Variants in NCOR1 observed in about 807,000 individuals in gnomAD.
NCOR1 encodes protein phosphatase 1, regulatory subunit 109.
Under a neutral mutation model 288.1 loss-of-function variants are expected in NCOR1, and 63 were observed. The ratio of observed to expected loss-of-function variants is 0.22; its 90% CI spans 0.18 to 0.27. NCOR1 has a LOEUF of 0.27. Among genes scored for constraint, NCOR1 ranks in the 10% least tolerant of loss-of-function variants. The probability of loss-of-function intolerance (pLI) is 1.00; values close to 1 mark genes in which losing one functional copy is unlikely to be tolerated. For missense variants in NCOR1, 2,397 were observed against 3,019.2 expected (o/e 0.79, Z 4.83); for synonymous variants, 1,007 against 1,065.9 (o/e 0.94, Z 1.08).
intron 42 of NCOR1, chr17:16,044,601 G>A (rs762214923): frequency 5.2e-6 from 3 of 579,178 alleles, no homozygotes; most frequent in East Asian, 4.3e-5. Flanking sequence ...GGCAGCGCCA[G>A]CCCCACACTT....
chr17:16,046,891 C>T (rs1447041489), intron 42 of NCOR1, 60 bp downstream of exon 42: 2 of 1,586,222 alleles, frequency 1.3e-6, no homozygotes, highest in Non-Finnish European at 1.7e-6. Context: ...AGAGGCAACA[C>T]TGGAGATATC....
chr17:16,208,206 A>ATT (rs757019446), intron 1 of NCOR1, among the ~76,000 whole-genome samples: 1,305 of 65,492 alleles, frequency 0.02, 138 homozygotes, highest in African/African-American at 0.062. Context: ...ATGCCCAGCT[A>ATT]TTTTTTTTTT....
At chr17:16,092,667 ATATATATATATATATATATATATATATAT>A (rs2065447523) in intron 21 of NCOR1, among the ~76,000 whole-genome samples, 16 of 12,124 alleles carry the variant, frequency 1.3e-3, no homozygotes, top group Admixed American at 0.011. Context: ...ATATATATAT[ATATATATATATATATATATATATATATAT>A]TTTTTTTTTT....
At chr17:16,179,768 C>T (rs756783126) in intron 3 of NCOR1, among the ~76,000 whole-genome samples, 10 of 152,104 alleles carry the variant, frequency 6.6e-5, no homozygotes, top group Admixed American at 1.3e-4. Flanking sequence ...GTAATCCCAG[C>T]ACTTTGGGAG....
In NCOR1 at chr17:16,031,899, C is replaced by T. The variant is rs773589903; in HGVS notation, c.*397G>A. The T allele has an allele frequency of 1.1e-4, 25 of 237,376 alleles. No homozygotes were observed. The highest frequency in any genetic ancestry group is 1.7e-4 in the South Asian group (1 of 5,766). 14.7% of individuals were successfully genotyped at this position (237,376 alleles called of 1,614,324 possible). A position where few individuals can be genotyped will look rare whatever the true frequency, so the allele number is the denominator to read the frequency against. The stretch of plus-strand genomic sequence containing the variant: ...TTAAAAATCACCCCCAAAGTTGATG[C>T]GCTGATTTGAACATAAGTACACCAG... On this transcript the variant is annotated 3_prime_UTR_variant, in exon 46 of 46. Coordinates refer to ENST00000268712, the MANE Select transcript of NCOR1 (RefSeq NM_006311.4).
intron 21 of NCOR1, among the ~76,000 whole-genome samples, chr17:16,095,637 G>A (rs1312094223): frequency 3.7e-3 from 29 of 7,782 alleles, no homozygotes; most frequent in Non-Finnish European, 6.0e-3. Context: ...CCCTCTGCCC[G>A]GCCAGCCGCC....
chr17:16,073,619 A>G, intron 27 of NCOR1, 50 bp from the exon 28 acceptor site: 1 of 1,454,870 alleles, frequency 6.9e-7, no homozygotes, highest in South Asian at 1.6e-5. Context: ...ATGGTATACA[A>G]TGTACAGTAA....
intron 2 of NCOR1, among the ~76,000 whole-genome samples, chr17:16,189,429 A>G (rs1243677291): frequency 6.6e-6 from 1 of 152,154 alleles, no homozygotes; most frequent in Non-Finnish European, 1.5e-5. Context: ...AGAATCAAAG[A>G]AACTAAAAAC....
At chr17:16,145,243 T>C (rs1295289897) in intron 10 of NCOR1, among the ~76,000 whole-genome samples, 1 of 152,232 alleles carries the variant, frequency 6.6e-6, no homozygotes, top group Non-Finnish European at 1.5e-5. Context: ...TGATCTAGGC[T>C]TGCTACAACC....
chr17:16,210,812 C>T (rs2092049145), intron 1 of NCOR1, among the ~76,000 whole-genome samples: 1 of 151,876 alleles, frequency 6.6e-6, no homozygotes, highest in Admixed American at 6.6e-5. Flanking sequence ...TTACTGCAAG[C>T]TCCGCCTCCC....
chr17:16,205,918 CA>C (rs2091444881), intron 1 of NCOR1, among the ~76,000 whole-genome samples: 1 of 129,822 alleles, frequency 7.7e-6, no homozygotes, highest in Non-Finnish European at 1.6e-5. Flanking sequence ...GCCTGGGCAA[CA>C]AGAGCGATAC....
chr17:16,186,551 T>C lies in NCOR1; in HGVS notation c.242+3A>G, dbSNP rs2153526964. ...GATAGAAACATAAAAGAAACCTCAT[T>C]ACCTGTCAGAACCTGGGTGAAATTC... is the stretch of plus-strand genomic sequence containing the variant. On this transcript the variant is annotated splice_donor_region_variant and intron_variant, in intron 3 of 45. Coordinates refer to ENST00000268712, the MANE Select transcript of NCOR1 (RefSeq NM_006311.4). 1 of 1,613,272 alleles carries C rather than the reference T, an allele frequency of 6.2e-7. No individual in the cohort carries two copies. The highest frequency in any genetic ancestry group is 8.5e-7 in the Non-Finnish European group (1 of 1,179,646).
Position 16,102,942 on chromosome 17 carries a change from A to T in NCOR1, c.2183-1185T>A, listed in dbSNP as rs1054893247. Among the ~76,000 whole-genome samples the T allele has an allele frequency of 3.9e-5, 6 of 152,362 alleles. No homozygotes were observed. In the East Asian group the frequency reaches 1.2e-3, roughly 29 times the overall value. ...CAAATTTCAAGTGCTCAATAGCCAC[A>T]AGTGTCTAGCGGCTACCACACTGGA... On this transcript the variant is annotated intron_variant, in intron 19 of 45. Coordinates refer to ENST00000268712, the MANE Select transcript of NCOR1 (RefSeq NM_006311.4).
chr17:16,052,357 C>G (rs2059423685), intron 40 of NCOR1, among the ~76,000 whole-genome samples: 1 of 152,020 alleles, frequency 6.6e-6, no homozygotes, highest in Admixed American at 6.6e-5. Flanking sequence ...ATTAATAAAA[C>G]AGACTGCTAG....
intron 42 of NCOR1, among the ~76,000 whole-genome samples, chr17:16,044,204 T>A (rs2058267719): frequency 6.7e-6 from 1 of 150,070 alleles, no homozygotes; most frequent in Non-Finnish European, 1.5e-5. Flanking sequence ...AAAGAAAGGC[T>A]ATCTGTAAGC....
intron 45 of NCOR1, 42 bp downstream of exon 45, chr17:16,034,718 GATATT>G: frequency 2.0e-6 from 3 of 1,487,032 alleles, no homozygotes; most frequent in Non-Finnish European, 2.8e-6. Context: ...CCAAGACATT[GATATT>G]ATTGCTCTGT....
rs1188058402 is a variant in NCOR1, at chr17:16,127,261, GTA to G, written c.1510-1057_1510-1056del. Among the ~76,000 whole-genome samples, 67 of 108,734 alleles carry G rather than the reference GTA, an allele frequency of 6.2e-4. 16 individuals carry two copies. Among genetic ancestry groups the G allele is most frequent in the Admixed American group, 3.5e-3 (38 of 10,766 alleles). The allele number at this position is 108,734 out of a possible 152,430, so 71.3% of individuals were successfully genotyped here. A position where few individuals can be genotyped will look rare whatever the true frequency, so the allele number is the denominator to read the frequency against. On this transcript the variant is annotated intron_variant, in intron 14 of 45. Transcript: ENST00000268712. ...CATATATGTATGTATATATGTGTGT[GTA>G]TATATGTATGTATATATACGTGTAT...
chr17:16,103,889 G>A (rs1479427809), intron 19 of NCOR1, among the ~76,000 whole-genome samples: 1 of 152,156 alleles, frequency 6.6e-6, no homozygotes, highest in Non-Finnish European at 1.5e-5. Flanking sequence ...GCATGCCTGT[G>A]CTCCCAGCTA....
At chr17:16,113,128 G>C (rs2066051325) in intron 18 of NCOR1, among the ~76,000 whole-genome samples, 1 of 151,642 alleles carries the variant, frequency 6.6e-6, no homozygotes. Flanking sequence ...TGTTAGCCAG[G>C]ATGGTCTCGA....
Sources: allele counts gnomAD v4.1 joint callset (sites outside exome capture counted in the v4.1 genomes callset), GRCh38; gene constraint gnomAD v4.1.1; transcripts MANE v1.5; gene names NCBI Gene and HGNC (gene_info 2026-07-23, HGNC 2026-07-21).